Variants in ETFBKMT observed in about 807,000 individuals in gnomAD.
The protein encoded by ETFBKMT is electron transfer flavoprotein beta subunit lysine methyltransferase.
Under a neutral mutation model 18.3 loss-of-function variants are expected in ETFBKMT, and 13 were observed. The ratio of observed to expected loss-of-function variants is 0.71; its 90% CI spans 0.46 to 1.13. ETFBKMT has a LOEUF of 1.13. Among genes scored for constraint, ETFBKMT ranks in the 50% most tolerant of loss-of-function variants. The pLI is 0.00. For missense variants in ETFBKMT, 293 were observed against 306.2 expected, an observed-to-expected ratio of 0.96 and a Z score of 0.32; for synonymous variants, 84 against 107.9, an observed-to-expected ratio of 0.78 and a Z score of 1.37.
intron 1 of ETFBKMT, among the ~76,000 whole-genome samples, chr12:31,653,008 G>C (rs1565745704): frequency 6.6e-6 from 1 of 152,194 alleles, no homozygotes; most frequent in South Asian, 2.1e-4. Context: ...CAGGAGTTCG[G>C]AACCAGCCTG....
At chr12:31,659,390 C>G (rs1951091580), upstream of ETFBKMT, 1 of 152,276 alleles carries the variant, frequency 6.6e-6, no homozygotes, top group Admixed American at 6.5e-5. Flanking sequence ...ACGGTGCCTG[C>G]CCCTTTAAGA....
At position 31,668,067 on chromosome 12, in the gene ETFBKMT, C is replaced by T. The variant is rs1483773881; in HGVS notation, c.*77C>T. 26 of 1,117,240 alleles carry T rather than the reference C, an allele frequency of 2.3e-5. No individual in the cohort carries two copies. The East Asian group carries it at 6.2e-4, about 27-fold the overall frequency. 69.2% of individuals were successfully genotyped at this position (1,117,240 alleles called of 1,614,324 possible). Reference sequence around the variant, plus strand: ...AAAAGTTTTCTCTATAGGAGATACTCTCCAGTTTAATGAATGTAATTCTTG... The same window carrying T: ...AAAAGTTTTCTCTATAGGAGATACTTTCCAGTTTAATGAATGTAATTCTTG... On this transcript the variant is annotated 3_prime_UTR_variant, in exon 4 of 4. Transcript: ENST00000357721.
rs555989551 is a variant in ETFBKMT, at chr12:31,649,407, G to A, written c.-114+2152G>A. Reference sequence around the variant, plus strand: ...AGGACTGCATATGATTCCACTCACAGGCATCCCTCCTTTTACTGTGCTTGG... The same window carrying A: ...AGGACTGCATATGATTCCACTCACAAGCATCCCTCCTTTTACTGTGCTTGG... On this transcript the variant is annotated intron_variant, in intron 1 of 3. Transcript: ENST00000412352. Among the ~76,000 whole-genome samples, 12 of 152,252 alleles carry A rather than the reference G, an allele frequency of 7.9e-5. 1 individual carries two copies. The South Asian group carries it at 2.3e-3, about 29-fold the overall frequency.
At chr12:31,650,626 C>CTTTTTTTTTTTTTTTTTTTTT (rs543201341) in intron 1 of ETFBKMT, among the ~76,000 whole-genome samples, 2 of 140,710 alleles carry the variant, frequency 1.4e-5, no homozygotes, top group African/African-American at 5.4e-5. Context: ...AATGACCTGA[C>CTTTTTTTTTTTTTTTTTTTTT]CTTTTTTTTT....
At chr12:31,664,857 C>T (rs900688083) in intron 2 of ETFBKMT, among the ~76,000 whole-genome samples, 1 of 151,598 alleles carries the variant, frequency 6.6e-6, no homozygotes, top group Non-Finnish European at 1.5e-5. Flanking sequence ...TCAGGTGATC[C>T]ACCCACCTTG....
At chr12:31,660,003 A>T (rs1350136425) in intron 1 of ETFBKMT, 2 of 148,864 alleles carry the variant, frequency 1.3e-5, no homozygotes, top group African/African-American at 5.0e-5. Flanking sequence ...AAAAAAAAAA[A>T]AAAAAATACA....
In ETFBKMT at chr12:31,652,965, T is replaced by C. The variant is rs374320790; in HGVS notation, c.-114+5710T>C. Among the ~76,000 whole-genome samples, 11 of 152,348 alleles carry C rather than the reference T, an allele frequency of 7.2e-5. 1 individual carries two copies. Among genetic ancestry groups the C allele is most frequent in the East Asian group, 1.9e-4 (1 of 5,190 alleles). ...GGCTCATGCCTGTAATCCCAGCACT[T>C]TGGGAGGCCGAGGCCGGCGGATTGC... On this transcript the variant is annotated intron_variant, in intron 1 of 3. Coordinates refer to the ETFBKMT transcript ENST00000412352.
At position 31,667,630 on chromosome 12, in the gene ETFBKMT, C is replaced by CT. The variant is rs200203445; in HGVS notation, c.446-4dup. ...CTAGCATATACCAATTCATTTTGTGCTTTTTTTTTTTTTAAGTTGCAGGAA... is the reference window on the plus strand; with the variant it reads ...CTAGCATATACCAATTCATTTTGTGCTTTTTTTTTTTTTTAAGTTGCAGGAA... On this transcript the variant is annotated splice_polypyrimidine_tract_variant and intron_variant, in intron 3 of 3. Transcript: ENST00000357721. 166,921 of 1,353,680 alleles carry CT rather than the reference C, an allele frequency of 0.12. 1,238 individuals carry two copies. The highest frequency in any genetic ancestry group is 0.23 in the East Asian group (9,859 of 42,240). The allele number at this position is 1,353,680 out of a possible 1,614,324, so 83.9% of individuals were successfully genotyped here. A position where few individuals can be genotyped will look rare whatever the true frequency, so the allele number is the denominator to read the frequency against.
upstream of ETFBKMT, among the ~76,000 whole-genome samples, chr12:31,655,736 C>G (rs1333294581): frequency 6.6e-6 from 1 of 152,186 alleles, no homozygotes; most frequent in Non-Finnish European, 1.5e-5. Context: ...CATGTCTTTT[C>G]TCTTAAAGCA....
At chr12:31,649,781 T>A (rs1168859849) in intron 1 of ETFBKMT, among the ~76,000 whole-genome samples, 1 of 148,338 alleles carries the variant, frequency 6.7e-6, no homozygotes, top group South Asian at 2.1e-4. Context: ...TTTTTTTTTT[T>A]GAGACAGAAT....
intron 2 of ETFBKMT, 51 bp downstream of exon 2, chr12:31,662,318 G>T (rs189450081): frequency 7.7e-6 from 12 of 1,558,540 alleles, no homozygotes; most frequent in African/African-American, 1.4e-5. Flanking sequence ...GCTGTTTTCA[G>T]TTCCCTCCAA....
Position 31,666,262 on chromosome 12 carries a change from T to C in ETFBKMT, c.445+45T>C, listed in dbSNP as rs754080306. 3.8e-6 allele frequency: 6 copies of C among 1,574,206 alleles called. No individual in the cohort carries two copies. In the African/African-American group the frequency reaches 6.9e-5, roughly 18 times the overall value. On this transcript the variant is annotated intron_variant, in intron 3 of 3. Coordinates refer to ENST00000357721, the MANE Select transcript of ETFBKMT (RefSeq NM_001135863.2). ...AATATTTAAGGCTCATCTTTTTTTT[T>C]TCTCTGGGATAAATATGTACACATG...
chr12:31,648,383 A>G (rs1432108060), intron 1 of ETFBKMT, among the ~76,000 whole-genome samples: 1 of 131,114 alleles, frequency 7.6e-6, no homozygotes, highest in African/African-American at 2.9e-5. Context: ...TTTTTTTGAG[A>G]TGGAGTCTCG....
Position 31,668,029 on chromosome 12 carries a change from T to C in ETFBKMT, c.*39T>C, listed in dbSNP as rs1229998243. The C allele has an allele frequency of 1.0e-5, 16 of 1,525,246 alleles. No homozygotes were observed. The highest frequency in any genetic ancestry group is 1.4e-5 in the Non-Finnish European group (16 of 1,121,508). 94.5% of individuals were successfully genotyped at this position (1,525,246 alleles called of 1,614,324 possible). A position where few individuals can be genotyped will look rare whatever the true frequency, so the allele number is the denominator to read the frequency against. ...TTCCAAGTATGAATATAGTAATGTT[T>C]GGATCTGACTCTAAAAGTTTTCTCT... On this transcript the variant is annotated 3_prime_UTR_variant, in exon 4 of 4. Transcript: ENST00000357721.
intron 2 of ETFBKMT, 50 bp from the exon 3 acceptor site, chr12:31,666,037 C>T: frequency 1.3e-6 from 2 of 1,549,554 alleles, no homozygotes; most frequent in South Asian, 1.2e-5. Context: ...CTGTTCCCAA[C>T]ATTTATTTTT....
chr12:31,658,926 CTTTT>C (rs10716608), upstream of ETFBKMT, among the ~76,000 whole-genome samples: 2 of 137,286 alleles, frequency 1.5e-5, no homozygotes, highest in African/African-American at 2.7e-5. Context: ...TATACTGTGT[CTTTT>C]TTTTTTTTTT....
At chr12:31,649,671 T>G (rs1272525808) in intron 1 of ETFBKMT, among the ~76,000 whole-genome samples, 1 of 152,168 alleles carries the variant, frequency 6.6e-6, no homozygotes, top group African/African-American at 2.4e-5. Flanking sequence ...TCTGGTGATC[T>G]GTGATCATAG....
chr12:31,649,538 C>CT (rs1299766908), intron 1 of ETFBKMT, among the ~76,000 whole-genome samples: 1 of 151,868 alleles, frequency 6.6e-6, no homozygotes, highest in Non-Finnish European at 1.5e-5. Context: ...ACAGAGTGTG[C>CT]TTACTTCGTG....
chr12:31,650,627 C>CTTTTTT, intron 1 of ETFBKMT, among the ~76,000 whole-genome samples: 1 of 138,242 alleles, frequency 7.2e-6, no homozygotes, highest in Non-Finnish European at 1.6e-5. Flanking sequence ...ATGACCTGAC[C>CTTTTTT]TTTTTTTTTT....
Sources: allele counts gnomAD v4.1 joint callset (sites outside exome capture counted in the v4.1 genomes callset), GRCh38; gene constraint gnomAD v4.1.1; transcripts MANE v1.5; gene names NCBI Gene and HGNC (gene_info 2026-07-23, HGNC 2026-07-21).